Variants in SNTG2 observed in about 807,000 individuals in gnomAD.
SNTG2 encodes the protein syntrophin gamma 2.
Under a neutral mutation model 70.9 loss-of-function variants are expected in SNTG2, and 74 were observed. The ratio of observed to expected loss-of-function variants is 1.04; its 90% CI spans 0.86 to 1.27. The LOEUF is 1.27. SNTG2 is among the 50% of genes most tolerant of loss of function. SNTG2 has a pLI of 0.00. For missense variants in SNTG2, 717 were observed against 690.7 expected (o/e 1.04, Z -0.43); for synonymous variants, 278 against 273.8 (o/e 1.02, Z -0.15).
chr2:1,353,058 T>C lies in SNTG2; in HGVS notation c.1489-14285T>C, dbSNP rs964432077. ...AGCGTGTTCCTGTGCTGTGTCTGGC[T>C]CACCCCCACCCAGAAATCCACATGG... On this transcript the variant is annotated intron_variant, in intron 16 of 16. Coordinates refer to ENST00000308624, the MANE Select transcript of SNTG2 (RefSeq NM_018968.4). The surrounding 1 kb of genome is among the most constrained non-coding windows in gnomAD (Gnocchi z 4.2). Among the ~76,000 whole-genome samples, 1 of 152,086 alleles carries C rather than the reference T, an allele frequency of 6.6e-6. No individual in the cohort carries two copies. The highest frequency in any genetic ancestry group is 6.6e-5 in the Admixed American group (1 of 15,264).
chr2:1,268,593 A>G (rs2148186041), intron 14 of SNTG2, among the ~76,000 whole-genome samples: 2 of 152,324 alleles, frequency 1.3e-5, no homozygotes, highest in Middle Eastern at 3.4e-3. Flanking sequence ...ATTATGGTTG[A>G]TTCCTGATGC....
At chr2:1,030,811 G>C (rs1444742001) in intron 1 of SNTG2, among the ~76,000 whole-genome samples, 3 of 152,040 alleles carry the variant, frequency 2.0e-5, no homozygotes, top group Non-Finnish European at 4.4e-5. Context: ...CTTTTTTCCT[G>C]TTGACAAAGG....
intron 6 of SNTG2, among the ~76,000 whole-genome samples, chr2:1,139,491 C>T (rs1558446281): frequency 6.6e-6 from 1 of 152,100 alleles, no homozygotes; most frequent in Non-Finnish European, 1.5e-5. Flanking sequence ...CCACCCTGGC[C>T]TCTCAAAGTG....
At chr2:1,269,034 A>G (rs1029190938) in intron 14 of SNTG2, among the ~76,000 whole-genome samples, 8 of 152,208 alleles carry the variant, frequency 5.3e-5, no homozygotes, top group Non-Finnish European at 8.8e-5. Flanking sequence ...AAGAGCAATC[A>G]TAGAATTACA....
intron 6 of SNTG2, among the ~76,000 whole-genome samples, chr2:1,153,717 C>T (rs749693604): frequency 5.9e-5 from 9 of 152,190 alleles, no homozygotes; most frequent in Non-Finnish European, 1.2e-4. Context: ...TTGCACGGAG[C>T]AGTAAAATGC....
intron 4 of SNTG2, among the ~76,000 whole-genome samples, chr2:1,104,371 C>T (rs778733300): frequency 9.2e-5 from 14 of 152,124 alleles, no homozygotes; most frequent in African/African-American, 2.7e-4. Context: ...TCTTTTCAGA[C>T]GAGCTGAGTG....
intron 1 of SNTG2, among the ~76,000 whole-genome samples, chr2:1,028,625 A>G (rs1212627871): frequency 2.6e-5 from 4 of 152,194 alleles, no homozygotes; most frequent in Middle Eastern, 3.4e-3. Flanking sequence ...ATGTGGATCT[A>G]TCTTTCCTTA....
chr2:1,211,149 CTG>C (rs1459207116), intron 9 of SNTG2, among the ~76,000 whole-genome samples: 3 of 152,290 alleles, frequency 2.0e-5, no homozygotes, highest in Admixed American at 6.5e-5. Context: ...CGTGCTCTAA[CTG>C]TGAATTCCTT....
intron 8 of SNTG2, among the ~76,000 whole-genome samples, chr2:1,189,900 A>C (rs1672475277): frequency 6.6e-6 from 1 of 152,166 alleles, no homozygotes; most frequent in Non-Finnish European, 1.5e-5. Flanking sequence ...CTTAGAGAAC[A>C]CTTGGAAAAA....
chr2:1,236,942 CT>C (rs1164774603), intron 9 of SNTG2, among the ~76,000 whole-genome samples: 3 of 130,950 alleles, frequency 2.3e-5, no homozygotes, highest in South Asian at 2.6e-4. Context: ...GCATTGTTTT[CT>C]TTTTTTCTTT....
chr2:1,160,295 A>G (rs1670184738), intron 6 of SNTG2: 1 of 152,192 alleles, frequency 6.6e-6, no homozygotes, highest in Admixed American at 6.5e-5. Flanking sequence ...AACACACACA[A>G]TATCCCAGCG....
At chr2:1,127,124 G>C (rs1181122410) in intron 4 of SNTG2, among the ~76,000 whole-genome samples, 1 of 3,974 alleles carries the variant, frequency 2.5e-4, no homozygotes, top group Non-Finnish European at 7.7e-3. Flanking sequence ...TCTATTTTGA[G>C]TTGATTTTTT....
chr2:1,167,581 T>C (rs1244559566), intron 7 of SNTG2, among the ~76,000 whole-genome samples: 2 of 127,148 alleles, frequency 1.6e-5, no homozygotes, highest in Non-Finnish European at 3.3e-5. Flanking sequence ...ACGGCAGAAC[T>C]GAAGCCTAGA....
intron 16 of SNTG2, among the ~76,000 whole-genome samples, chr2:1,317,500 A>G (rs1415134328): frequency 8.2e-6 from 1 of 121,958 alleles, no homozygotes; most frequent in Non-Finnish European, 1.8e-5. Context: ...TCAGGTCAGC[A>G]TTGGAGAAGG....
chr2:1,003,221 A>G lies in SNTG2; in HGVS notation c.72+52153A>G, dbSNP rs753981874. 2.3e-3 allele frequency among the ~76,000 whole-genome samples: 353 copies of G among 152,328 alleles called. 4 individuals are homozygous for G. The highest frequency in any genetic ancestry group is 2.6e-3 in the Non-Finnish European group (179 of 68,036). ...GTATATCCATGTAACAAAACTGCAC[A>G]CGTACCCCCTAAATCTATAAAAATA... On this transcript the variant is annotated intron_variant, in intron 1 of 16. Transcript: ENST00000308624.
In SNTG2 at chr2:1,040,976, G is replaced by C. The variant is rs534637547; in HGVS notation, c.73-42542G>C. On this transcript the variant is annotated intron_variant, in intron 1 of 16. Transcript: ENST00000308624. ...AAGCCCTCAGTCAAGTGAATCAGAC[G>C]GCTTTTTGGTGGAGGCTAATGTTAA... 2.0e-5 allele frequency among the ~76,000 whole-genome samples: 3 copies of C among 152,312 alleles called. No homozygotes were observed. The South Asian group carries it at 6.2e-4, about 32-fold the overall frequency.
intron 4 of SNTG2, among the ~76,000 whole-genome samples, chr2:1,114,437 C>T (rs13017214): frequency 0.38 from 57,236 of 151,638 alleles, 12,170 homozygotes; most frequent in Non-Finnish European, 0.49. Context: ...TTAACCCTTA[C>T]AGTCCTTTAA....
At position 970,015 on chromosome 2, in the gene SNTG2, T is replaced by C. The variant is rs557004563; in HGVS notation, c.72+18947T>C. On this transcript the variant is annotated intron_variant, in intron 1 of 16. Transcript: ENST00000308624. ...CTGTGGGTTTGTCATAGACAGCTCT[T>C]ACTATTTTGAGGAATATACCTTCAT... 2.0e-5 allele frequency among the ~76,000 whole-genome samples: 3 copies of C among 152,322 alleles called. No individual in the cohort carries two copies. The South Asian group carries it at 6.2e-4, about 32-fold the overall frequency.
chr2:1,337,330 G>A (rs562760092), intron 16 of SNTG2, among the ~76,000 whole-genome samples: 1 of 152,232 alleles, frequency 6.6e-6, no homozygotes, highest in South Asian at 2.1e-4. Flanking sequence ...AATGCACAAG[G>A]GTTCCAGTTT....
Sources: gnomAD v4.1 joint callset for allele counts (sites outside exome capture counted in the v4.1 genomes callset) on GRCh38, gnomAD v4.1.1 for gene constraint, Gnocchi (gnomAD v3.1) non-coding constraint, MANE v1.5 for transcripts, NCBI Gene and HGNC (gene_info 2026-07-23, HGNC 2026-07-21) for gene names.